Variants in ZSWIM8 observed in about 807,000 individuals in gnomAD.
The protein encoded by ZSWIM8 is zinc finger SWIM domain-containing protein 8.
A neutral mutation model predicts 173.7 loss-of-function variants in ZSWIM8; 27 were observed. The ratio of observed to expected loss-of-function variants is 0.16; its 90% CI spans 0.11 to 0.21. ZSWIM8 has a LOEUF of 0.21. ZSWIM8 is among the 10% of genes least tolerant of loss of function. The pLI, the probability that ZSWIM8 is intolerant of heterozygous loss-of-function variation, is 1.00. For synonymous variants in ZSWIM8, 958 were observed against 962.0 expected, an observed-to-expected ratio of 1.00 and a Z score of 0.08; for missense variants, 1,627 against 2,428.8, an observed-to-expected ratio of 0.67 and a Z score of 6.94.
In ZSWIM8 at chr10:73,794,592, C is replaced by T. The variant is rs1441644232; in HGVS notation, c.2861C>T (p.Thr954Ile). Residue 954 changes from threonine (T) to isoleucine (I), a missense_variant, in exon 14 of 26, where the codon ACA becomes ATA. Physicochemically the swap from Thr to Ile is moderately conservative, Grantham distance 89. This residue lies in a region of ZSWIM8 where 169 missense variants were observed against 235.3 expected (regional missense o/e 0.72). Coordinates refer to ENST00000604729, the MANE Select transcript of ZSWIM8 (RefSeq NM_001367799.1). ...CCAAGTCGCAACTGGAACAGCGAGACACCTGGGGATGAGGAGCTTGGATTT... is the reference window on the plus strand; with the variant it reads ...CCAAGTCGCAACTGGAACAGCGAGATACCTGGGGATGAGGAGCTTGGATTT... ...RPPSRNWNSETPGDEELGFEA... is the reference protein window; with the variant it reads ...RPPSRNWNSEIPGDEELGFEA... 2 of 1,558,626 alleles carry T rather than the reference C, an allele frequency of 1.3e-6. No homozygotes were observed. Among genetic ancestry groups the T allele is most frequent in the Admixed American group, 1.9e-5 (1 of 51,598 alleles).
At chr10:73,788,967 TC>T (rs1353953532) in intron 2 of ZSWIM8, 128 bp from the exon 3 acceptor site, 50 of 507,038 alleles carry the variant, frequency 9.9e-5, no homozygotes, top group Non-Finnish European at 1.4e-4. Flanking sequence ...TTCCACTCCC[TC>T]CCCCCCACCC....
chr10:73,788,896 C>G, intron 2 of ZSWIM8, 73 bp downstream of exon 2: 2 of 1,578,900 alleles, frequency 1.3e-6, no homozygotes, highest in South Asian at 1.1e-5. Context: ...TCCCATAGAA[C>G]AAAGGAGACA....
Position 73,792,989 on chromosome 10 carries a change from C to T in ZSWIM8, c.2313+137C>T, listed in dbSNP as rs1360813422. The stretch of plus-strand genomic sequence containing the variant: ...TGCAGGCGCCGAACTGGTCTCCCTG[C>T]TTTCAGTCTACTCACTTTTCTGCTT... On this transcript the variant is annotated intron_variant, in intron 10 of 25. Coordinates refer to ENST00000604729, the MANE Select transcript of ZSWIM8 (RefSeq NM_001367799.1). This position sits in a 1 kb window ranked among gnomAD's most constrained non-coding sequence, Gnocchi z 4.3. 6 of 1,062,760 alleles carry T rather than the reference C, an allele frequency of 5.6e-6. No homozygotes were observed. The highest frequency in any genetic ancestry group is 2.7e-5 in the Admixed American group (1 of 36,740). 65.8% of individuals were successfully genotyped at this position (1,062,760 alleles called of 1,614,324 possible).
In ZSWIM8 at chr10:73,797,733, C is replaced by A; in HGVS notation, c.3663-48C>A. 1 of 1,582,524 alleles carries A rather than the reference C, an allele frequency of 6.3e-7. No individual in the cohort carries two copies. The highest frequency in any genetic ancestry group is 1.1e-5 in the South Asian group (1 of 87,320). The stretch of plus-strand genomic sequence containing the variant: ...GTCCTTCCCAACCTACCCGGATGCC[C>A]ATTTCAAAGAAACCCCAACCCCCGT... On this transcript the variant is annotated intron_variant, in intron 18 of 25. Coordinates refer to ENST00000604729, the MANE Select transcript of ZSWIM8 (RefSeq NM_001367799.1). This position sits in a 1 kb window ranked among gnomAD's most constrained non-coding sequence, Gnocchi z 5.6.
rs1167862433 is a variant in ZSWIM8 at position 73,794,224 on chromosome 10, C to T, written c.2703C>T (p.Thr901=). The part of the protein sequence containing the change: ...KIPLGPSEMS[T]MRCRAEELRE... ...CTCTGGGTCCAAGTGAGATGAGTACCATGCGGTGCCGGGCAGAGGAACTTC... is the reference window on the plus strand; with the variant it reads ...CTCTGGGTCCAAGTGAGATGAGTACTATGCGGTGCCGGGCAGAGGAACTTC... Residue 901 remains threonine (T), a synonymous_variant, in exon 13 of 26, where the codon ACC becomes ACT. Coordinates refer to ENST00000604729, the MANE Select transcript of ZSWIM8 (RefSeq NM_001367799.1). The T allele has an allele frequency of 2.5e-6, 4 of 1,614,022 alleles. No individual in the cohort carries two copies. The South Asian group carries it at 3.3e-5, about 13-fold the overall frequency.
rs763811642 is a variant in ZSWIM8, at chr10:73,799,144, G to A, written c.4319G>A (p.Arg1440His). The change falls in exon 21 of 26, where the codon CGT becomes CAT. Residue 1440 changes from arginine to histidine, a missense_variant. Arg to His is a conservative substitution (Grantham distance 29). Coordinates refer to ENST00000604729, the MANE Select transcript of ZSWIM8 (RefSeq NM_001367799.1). ...EQTAGGSSTA[R>H]EGATSCSASG... ...ACTGCAGGTGGCTCATCCACAGCCC[G>A]TGAAGGGGCTACAAGCTGTAGTGCC... is the stretch of plus-strand genomic sequence containing the variant. 75 of 1,612,866 alleles carry A rather than the reference G, an allele frequency of 4.7e-5. No homozygotes were observed. Among genetic ancestry groups the A allele is most frequent in the Non-Finnish European group, 5.9e-5 (70 of 1,179,454 alleles).
rs759227145 is a variant in ZSWIM8 at position 73,800,791 on chromosome 10, C to G, written c.5122+32C>G. On this transcript the variant is annotated intron_variant, in intron 24 of 25. Transcript: ENST00000604729. The surrounding 1 kb of genome is among the most constrained non-coding windows in gnomAD (Gnocchi z 4.1). ...CCTCCCCTCCCTAGGACCATTGCCC[C>G]CCCCCCACCTGCTCTCCCCACCTTC... The G allele has an allele frequency of 2.5e-5, 37 of 1,492,586 alleles. No homozygotes were observed. Among genetic ancestry groups the G allele is most frequent in the Admixed American group, 1.2e-4 (6 of 52,032 alleles). The allele number at this position is 1,492,586 out of a possible 1,614,324, so 92.5% of individuals were successfully genotyped here. A position where few individuals can be genotyped will look rare whatever the true frequency, so the allele number is the denominator to read the frequency against.
In ZSWIM8 at chr10:73,792,435, A is replaced by G. The variant is rs772756061; in HGVS notation, c.1896A>G (p.Ala632=). 1 of 1,605,220 alleles carries G rather than the reference A, an allele frequency of 6.2e-7. No homozygotes were observed. The highest frequency in any genetic ancestry group is 8.5e-7 in the Non-Finnish European group (1 of 1,175,808). The change falls in exon 10 of 26, where the codon GCA becomes GCG. Residue 632 remains alanine, a synonymous_variant. Coordinates refer to ENST00000604729, the MANE Select transcript of ZSWIM8 (RefSeq NM_001367799.1). This position sits in a 1 kb window ranked among gnomAD's most constrained non-coding sequence, Gnocchi z 4.3. ...ATGACAGCAGCCTGGCCCTGGGCGC[A>G]GAGGCCAGCACCTTCGGGGGATTCC... ...SLDDSSLALG[A]EASTFGGFPE... is the part of the protein sequence containing the mutation.
At chr10:73,798,098 G>A (rs1355036879) in intron 19 of ZSWIM8, 28 bp downstream of exon 19, 2 of 1,608,800 alleles carry the variant, frequency 1.2e-6, no homozygotes, top group Non-Finnish European at 8.5e-7. Flanking sequence ...ACTTGGGTAT[G>A]GGAGGGGGAT....
intron 1 of ZSWIM8, chr10:73,786,328 G>T: frequency 3.1e-6 from 1 of 321,088 alleles, no homozygotes; most frequent in Non-Finnish European, 5.6e-6. Flanking sequence ...GTGTGTGTGG[G>T]TGTGTGTGTG....
Position 73,795,705 on chromosome 10 carries a change from C to T in ZSWIM8, c.3033+42C>T, listed in dbSNP as rs767698884. 8 of 1,591,704 alleles carry T rather than the reference C, an allele frequency of 5.0e-6. No homozygotes were observed. In the African/African-American group the frequency reaches 1.1e-4, roughly 21 times the overall value. On this transcript the variant is annotated intron_variant, in intron 15 of 25. Transcript: ENST00000604729. ...GGGTGCGGTGGCTCATGCCTGTAAT[C>T]CCAGCAGTTTGGGAGGCAGAGGCGG...
chr10:73,794,482 T>A, intron 13 of ZSWIM8, 59 bp from the exon 14 acceptor site: 1 of 1,570,668 alleles, frequency 6.4e-7, no homozygotes, highest in South Asian at 1.1e-5. Context: ...TGGGTTCCCC[T>A]GTATTTTTTC....
chr10:73,793,463 T>C lies in ZSWIM8; in HGVS notation c.2314-125T>C, dbSNP rs193087916. ...TGTCTGTCTTTCTAACCAGAGCTCCTATGGAGCGGCACAGGGCCTGGCATG... is the reference window on the plus strand; with the variant it reads ...TGTCTGTCTTTCTAACCAGAGCTCCCATGGAGCGGCACAGGGCCTGGCATG... On this transcript the variant is annotated intron_variant, in intron 10 of 25. Coordinates refer to ENST00000604729, the MANE Select transcript of ZSWIM8 (RefSeq NM_001367799.1). The C allele has an allele frequency of 1.0e-5, 11 of 1,072,340 alleles. No homozygotes were observed. In the East Asian group the frequency reaches 2.6e-4, roughly 25 times the overall value. The allele number at this position is 1,072,340 out of a possible 1,614,324, so 66.4% of individuals were successfully genotyped here.
intron 20 of ZSWIM8, among the ~76,000 whole-genome samples, chr10:73,798,702 A>AGAT (rs2083779884): frequency 6.6e-6 from 1 of 152,226 alleles, no homozygotes. Context: ...TTAGGGACCA[A>AGAT]GATGATCACT....
Position 73,797,581 on chromosome 10 carries a change from G to C in ZSWIM8, c.3638G>C (p.Arg1213Pro), listed in dbSNP as rs776355230. Residue 1213 changes from arginine to proline, a missense_variant, in exon 18 of 26, where the codon CGG becomes CCG. Around this residue, in one of 18 missense-constraint regions of ZSWIM8, gnomAD observed 72 missense variants for 98.4 expected, o/e 0.73. Transcript: ENST00000604729. This position sits in a 1 kb window ranked among gnomAD's most constrained non-coding sequence, Gnocchi z 5.6. ...CGGGCCAGTGCCAGTGGAGGAGCCC[G>C]GGCGAAGACTGTTGAAGTTGGCAGG... ...SRRASASGGARAKTVEVGRYK... is the reference protein window; with the variant it reads ...SRRASASGGAPAKTVEVGRYK... 1 of 1,613,722 alleles carries C rather than the reference G, an allele frequency of 6.2e-7. No individual in the cohort carries two copies. Among genetic ancestry groups the C allele is most frequent in the African/African-American group, 1.3e-5 (1 of 74,880 alleles).
chr10:73,785,625 C>G lies in ZSWIM8; in HGVS notation c.-254C>G, dbSNP rs1387736645. The G allele has an allele frequency of 1.4e-5, 8 of 567,154 alleles. No individual in the cohort carries two copies. Among genetic ancestry groups the G allele is most frequent in the South Asian group, 3.2e-5 (2 of 63,010 alleles). 35.1% of individuals were successfully genotyped at this position (567,154 alleles called of 1,614,324 possible). A position where few individuals can be genotyped will look rare whatever the true frequency, so the allele number is the denominator to read the frequency against. ...CTCCGCAGCCGCCTAGAGGCCCCAG[C>G]CGCCGAGCGCTTCGTCCCGGCCCTA... On this transcript the variant is annotated 5_prime_UTR_variant, in exon 1 of 26. Coordinates refer to ENST00000604729, the MANE Select transcript of ZSWIM8 (RefSeq NM_001367799.1).
In ZSWIM8 at chr10:73,785,783, T is replaced by C; in HGVS notation, c.-96T>C. 7.4e-7 allele frequency: 1 copy of C among 1,352,458 alleles called. No homozygotes were observed. The highest frequency in any genetic ancestry group is 1.0e-6 in the Non-Finnish European group (1 of 995,912). The allele number at this position is 1,352,458 out of a possible 1,614,324, so 83.8% of individuals were successfully genotyped here. ...CGCCCCGGCCACCCCCAGCCCCGGCTCGCCCCTCAGGCCCCGGGCCTCCCC... is the reference window on the plus strand; with the variant it reads ...CGCCCCGGCCACCCCCAGCCCCGGCCCGCCCCTCAGGCCCCGGGCCTCCCC... On this transcript the variant is annotated 5_prime_UTR_variant, in exon 1 of 26. Transcript: ENST00000604729.
chr10:73,786,301 G>A, intron 1 of ZSWIM8: 1 of 546,658 alleles, frequency 1.8e-6, no homozygotes, highest in Non-Finnish European at 3.1e-6. Context: ...GGGGTGGGCT[G>A]GCTTCTCCAC....
In ZSWIM8 at chr10:73,797,278, T is replaced by C. The variant is rs1291679644; in HGVS notation, c.3433+7T>C. The stretch of plus-strand genomic sequence containing the variant: ...CCTAAGAAGAAGCACACAGGTAGGA[T>C]AGCCTGTGGGCTAGCATAGAGGGAA... On this transcript the variant is annotated splice_region_variant and intron_variant, in intron 17 of 25. Coordinates refer to ENST00000604729, the MANE Select transcript of ZSWIM8 (RefSeq NM_001367799.1). This position sits in a 1 kb window ranked among gnomAD's most constrained non-coding sequence, Gnocchi z 5.6. The C allele has an allele frequency of 3.1e-6, 5 of 1,613,928 alleles. No homozygotes were observed. The highest frequency in any genetic ancestry group is 2.5e-6 in the Non-Finnish European group (3 of 1,179,826).
Sources: allele counts gnomAD v4.1 joint callset (sites outside exome capture counted in the v4.1 genomes callset), GRCh38; gene constraint gnomAD v4.1.1; regional missense constraint gnomAD v4.1.1; non-coding constraint Gnocchi (gnomAD v3.1); transcripts MANE v1.5; gene names NCBI Gene and HGNC (gene_info 2026-07-23, HGNC 2026-07-21).